Variants in FAM107B observed in about 807,000 individuals in gnomAD.
FAM107B encodes family with sequence similarity 107 member B.
Under a neutral mutation model 31.5 loss-of-function variants are expected in FAM107B, and 21 were observed. The observed-to-expected ratio is 0.67, with a 90% CI of 0.47 to 0.96. The LOEUF is 0.96. FAM107B is among the 40% of genes least tolerant of loss of function. FAM107B has a pLI of 0.00. For missense variants in FAM107B, 452 were observed against 377.1 expected (o/e 1.20, Z -1.64); for synonymous variants, 157 against 141.5 (o/e 1.11, Z -0.78).
At chr10:14,724,807 C>T (rs138473380) in intron 1 of FAM107B, among the ~76,000 whole-genome samples, 1 of 152,214 alleles carries the variant, frequency 6.6e-6, no homozygotes, top group Non-Finnish European at 1.5e-5. Flanking sequence ...GAGTGAAGTC[C>T]CCAGGCCCCA....
chr10:14,724,540 C>CCACCCACT (rs1280488314), intron 1 of FAM107B, among the ~76,000 whole-genome samples: 2 of 152,172 alleles, frequency 1.3e-5, no homozygotes, highest in African/African-American at 4.8e-5. Flanking sequence ...GTCAAATGGT[C>CCACCCACT]CACCCACTAA....
intron 2 of FAM107B, among the ~76,000 whole-genome samples, chr10:14,645,423 C>T (rs977714952): frequency 1.3e-5 from 2 of 152,202 alleles, no homozygotes; most frequent in South Asian, 2.1e-4. Context: ...TTCCGTTTCC[C>T]GTTCGTCTAA....
intron 2 of FAM107B, among the ~76,000 whole-genome samples, chr10:14,613,795 C>T (rs551164394): frequency 6.6e-5 from 10 of 152,238 alleles, no homozygotes; most frequent in South Asian, 6.2e-4. Context: ...AATTATACAA[C>T]GCTTTTCCCT....
chr10:14,700,930 C>T (rs747423793), intron 1 of FAM107B, among the ~76,000 whole-genome samples: 3 of 150,758 alleles, frequency 2.0e-5, no homozygotes, highest in Non-Finnish European at 4.4e-5. Flanking sequence ...CCTCACCCCA[C>T]ATGTGGCCCC....
At position 14,526,133 on chromosome 10, in the gene FAM107B, T is replaced by G. The variant is rs1846199217; in HGVS notation, c.654-4114A>C. The stretch of plus-strand genomic sequence containing the variant: ...GTCAAACATCTCCCGGCCTAATTAT[T>G]TTTCTTAGGGTACAGGGAAAATTTG... On this transcript the variant is annotated intron_variant, in intron 3 of 4. Coordinates refer to ENST00000181796, the MANE Select transcript of FAM107B (RefSeq NM_031453.4). 2.0e-5 allele frequency among the ~76,000 whole-genome samples: 3 copies of G among 152,242 alleles called. No homozygotes were observed. In the South Asian group the frequency reaches 6.2e-4, roughly 32 times the overall value.
At chr10:14,637,182 G>T (rs546732818) in intron 2 of FAM107B, among the ~76,000 whole-genome samples, 6 of 152,218 alleles carry the variant, frequency 3.9e-5, no homozygotes, top group African/African-American at 1.4e-4. Flanking sequence ...CTTCACGAGG[G>T]TCTTATTTCT....
At chr10:14,714,697 A>G (rs970332669) in intron 1 of FAM107B, among the ~76,000 whole-genome samples, 1 of 152,200 alleles carries the variant, frequency 6.6e-6, no homozygotes, top group African/African-American at 2.4e-5. Flanking sequence ...TGAAAAACTG[A>G]GCACTCTTCC....
intron 2 of FAM107B, among the ~76,000 whole-genome samples, chr10:14,598,778 C>G (rs541353406): frequency 6.6e-6 from 1 of 152,272 alleles, no homozygotes; most frequent in East Asian, 1.9e-4. Context: ...GCATAAACAC[C>G]CCTCATTTGC....
intron 2 of FAM107B, among the ~76,000 whole-genome samples, chr10:14,567,927 C>T (rs79957341): frequency 0.021 from 3,123 of 152,244 alleles, 48 homozygotes; most frequent in Non-Finnish European, 0.033. Context: ...GACTGAACAT[C>T]CCCATCCCAA....
intron 4 of FAM107B, 77 bp downstream of exon 4, chr10:14,521,792 A>G: frequency 6.4e-7 from 1 of 1,556,126 alleles, no homozygotes. Context: ...ACGTCTGGTA[A>G]ATCCTGCCCG....
intron 2 of FAM107B, chr10:14,604,120 C>A: frequency 2.0e-6 from 1 of 502,666 alleles, no homozygotes; most frequent in Non-Finnish European, 2.5e-6. Context: ...GGGGACCCCC[C>A]ACCCGCCCGG....
intron 1 of FAM107B, among the ~76,000 whole-genome samples, chr10:14,718,667 G>A (rs899539348): frequency 6.6e-6 from 1 of 152,178 alleles, no homozygotes; most frequent in Non-Finnish European, 1.5e-5. Context: ...TCTTCCAGAT[G>A]AGGCTGACAT....
chr10:14,672,012 C>G (rs1854568725), intron 1 of FAM107B, among the ~76,000 whole-genome samples: 1 of 151,738 alleles, frequency 6.6e-6, no homozygotes, highest in African/African-American at 2.4e-5. Context: ...TCTGGGAAAT[C>G]AGGAGTCAGG....
At chr10:14,628,155 T>A (rs2131412731) in intron 2 of FAM107B, among the ~76,000 whole-genome samples, 1 of 144,402 alleles carries the variant, frequency 6.9e-6, no homozygotes, top group East Asian at 2.3e-4. Context: ...TCGCTCTTGT[T>A]GCCCAGGCTG....
intron 1 of FAM107B, among the ~76,000 whole-genome samples, chr10:14,726,570 A>T (rs369682788): frequency 6.6e-6 from 1 of 152,192 alleles, no homozygotes; most frequent in Non-Finnish European, 1.5e-5. Context: ...GAACCATGTC[A>T]TGCTTCCCCC....
chr10:14,634,207 T>C (rs547986507), intron 2 of FAM107B, among the ~76,000 whole-genome samples: 2 of 151,976 alleles, frequency 1.3e-5, no homozygotes, highest in African/African-American at 4.8e-5. Context: ...CCATCCTGGC[T>C]AACACGGTGA....
intron 1 of FAM107B, among the ~76,000 whole-genome samples, chr10:14,740,626 T>C (rs1856414444): frequency 6.6e-6 from 1 of 152,216 alleles, no homozygotes; most frequent in Admixed American, 6.5e-5. Context: ...TGAACTAATA[T>C]TGTTTCCTCA....
chr10:14,708,615 GA>G (rs201312789), intron 1 of FAM107B, among the ~76,000 whole-genome samples: 31 of 148,752 alleles, frequency 2.1e-4, no homozygotes, highest in Admixed American at 6.0e-4. Context: ...TATGTCTAAA[GA>G]AAAAAAAAAT....
At chr10:14,704,959 G>A (rs980474355) in intron 1 of FAM107B, among the ~76,000 whole-genome samples, 3 of 145,706 alleles carry the variant, frequency 2.1e-5, no homozygotes, top group African/African-American at 7.6e-5. Flanking sequence ...GGGAGGCAGA[G>A]CTTGCCGCGA....
Sources: gnomAD v4.1 joint callset for allele counts (sites outside exome capture counted in the v4.1 genomes callset) on GRCh38, gnomAD v4.1.1 for gene constraint, MANE v1.5 for transcripts, NCBI Gene and HGNC (gene_info 2026-07-23, HGNC 2026-07-21) for gene names.